Variants in MYT1L observed in about 807,000 individuals in gnomAD.
MYT1L encodes myelin transcription factor 1-like protein.
MYT1L carries 12 observed loss-of-function variants against 126.7 expected under a neutral mutation model. That is an observed-to-expected ratio of 0.09 (90% confidence interval 0.06 to 0.15). The LOEUF (loss-of-function observed/expected upper bound fraction) is 0.15. MYT1L is among the 10% of genes least tolerant of loss of function. The probability of loss-of-function intolerance (pLI) is 1.00; values close to 1 mark genes in which losing one functional copy is unlikely to be tolerated. For missense variants in MYT1L, 979 were observed against 1,585.2 expected (o/e 0.62, Z 6.49); for synonymous variants, 541 against 604.2 (o/e 0.90, Z 1.53).
intron 3 of MYT1L, among the ~76,000 whole-genome samples, chr2:2,123,525 G>A (rs564161745): frequency 5.9e-5 from 9 of 152,182 alleles, no homozygotes; most frequent in Non-Finnish European, 8.8e-5. Flanking sequence ...CTGAGTTCTC[G>A]CAAGACCTGG....
intron 3 of MYT1L, among the ~76,000 whole-genome samples, chr2:2,170,549 A>G (rs1022746688): frequency 6.6e-6 from 1 of 152,246 alleles, no homozygotes; most frequent in Non-Finnish European, 1.5e-5. Context: ...ATGTAACACG[A>G]TGATTTACAA....
intron 3 of MYT1L, among the ~76,000 whole-genome samples, chr2:2,142,483 A>T (rs940619580): frequency 6.6e-6 from 1 of 152,146 alleles, no homozygotes; most frequent in Non-Finnish European, 1.5e-5. Context: ...GGATCTCTGC[A>T]TAAGACCAAC....
At chr2:2,047,442 C>A (rs1353048156) in intron 4 of MYT1L, among the ~76,000 whole-genome samples, 1 of 152,148 alleles carries the variant, frequency 6.6e-6, no homozygotes, top group Non-Finnish European at 1.5e-5. Context: ...AAGTGTACCC[C>A]CAGTGGCCAT....
At chr2:2,197,722 G>A (rs1380488864) in intron 2 of MYT1L, among the ~76,000 whole-genome samples, 1 of 142,698 alleles carries the variant, frequency 7.0e-6, no homozygotes, top group African/African-American at 2.6e-5. Flanking sequence ...GTGTAGAGAT[G>A]TATATAACAC....
intron 4 of MYT1L, among the ~76,000 whole-genome samples, chr2:2,000,002 C>T (rs2062210261): frequency 6.6e-6 from 1 of 152,198 alleles, no homozygotes; most frequent in South Asian, 2.1e-4. Context: ...GACAATGCTC[C>T]TTAAAGAGCC....
At chr2:1,866,295 A>T (rs1243811101) in intron 18 of MYT1L, among the ~76,000 whole-genome samples, 2 of 152,152 alleles carry the variant, frequency 1.3e-5, no homozygotes, top group Admixed American at 1.3e-4. Context: ...ACAAAGGATC[A>T]AGGCTCCACA....
chr2:2,103,999 T>C (rs1012729103), intron 3 of MYT1L, among the ~76,000 whole-genome samples: 4 of 152,232 alleles, frequency 2.6e-5, no homozygotes, highest in African/African-American at 9.6e-5. Context: ...CCTTTCTCTA[T>C]CAGGGGCTCT....
intron 2 of MYT1L, among the ~76,000 whole-genome samples, chr2:2,227,891 CCTT>C (rs1249248697): frequency 6.6e-6 from 1 of 152,160 alleles, no homozygotes; most frequent in African/African-American, 2.4e-5. Context: ...ATTAACATGA[CCTT>C]CTAGCATTTG....
intron 3 of MYT1L, among the ~76,000 whole-genome samples, chr2:2,106,472 G>A (rs1031553677): frequency 6.6e-6 from 1 of 152,096 alleles, no homozygotes; most frequent in Non-Finnish European, 1.5e-5. Context: ...ACAAAAGTTA[G>A]CCAGGTGTGG....
intron 18 of MYT1L, among the ~76,000 whole-genome samples, chr2:1,881,677 G>A (rs2047568077): frequency 6.6e-6 from 1 of 152,138 alleles, no homozygotes; most frequent in Non-Finnish European, 1.5e-5. Context: ...CACCAGGGAT[G>A]TGGCACAGTG....
intron 23 of MYT1L, among the ~76,000 whole-genome samples, chr2:1,795,125 G>A (rs1018207759): frequency 1.3e-5 from 2 of 152,228 alleles, no homozygotes; most frequent in Admixed American, 6.5e-5. Flanking sequence ...TTCCTCCAGG[G>A]TGGCAAGAAG....
At chr2:1,897,385 C>G (rs2049736365) in intron 14 of MYT1L, among the ~76,000 whole-genome samples, 1 of 152,116 alleles carries the variant, frequency 6.6e-6, no homozygotes, top group Non-Finnish European at 1.5e-5. Flanking sequence ...ACAGAGGATG[C>G]TTGGTCTGAT....
chr2:2,313,064 A>C (rs2096001873), intron 1 of MYT1L, among the ~76,000 whole-genome samples: 1 of 152,222 alleles, frequency 6.6e-6, no homozygotes, highest in Non-Finnish European at 1.5e-5. Flanking sequence ...CTTAGAGCTG[A>C]AGAAATTACA....
rs1396833307 is a variant in MYT1L at position 1,892,290 on chromosome 2, G to A, written c.2033-3C>T. ...GGGGTCCTTGCAGTACCGCTTCGCT[G>A]GGGAGACAGGGACAGGGATGACTCA... On this transcript the variant is annotated splice_polypyrimidine_tract_variant and splice_region_variant and intron_variant, in intron 14 of 24. Transcript: ENST00000647738. The A allele has an allele frequency of 6.5e-7, 1 of 1,547,506 alleles. No individual in the cohort carries two copies. The highest frequency in any genetic ancestry group is 1.4e-5 in the African/African-American group (1 of 72,936).
At chr2:1,909,037 T>G (rs192779115) in intron 13 of MYT1L, among the ~76,000 whole-genome samples, 1 of 152,250 alleles carries the variant, frequency 6.6e-6, no homozygotes, top group African/African-American at 2.4e-5. Context: ...TGGGATGTTA[T>G]GAAATAATAC....
chr2:2,287,976 T>C (rs1015338098), intron 1 of MYT1L, among the ~76,000 whole-genome samples: 2 of 152,204 alleles, frequency 1.3e-5, no homozygotes, highest in Non-Finnish European at 2.9e-5. Flanking sequence ...GGTACACACA[T>C]CATTCTAGAA....
intron 1 of MYT1L, among the ~76,000 whole-genome samples, chr2:2,301,708 G>C (rs2095788698): frequency 6.6e-6 from 1 of 151,528 alleles, no homozygotes; most frequent in Admixed American, 6.6e-5. Context: ...GCACCTGCCT[G>C]TAGTCCCAGC....
chr2:2,250,220 T>C (rs999229420), intron 2 of MYT1L, among the ~76,000 whole-genome samples: 8 of 152,206 alleles, frequency 5.3e-5, no homozygotes, highest in Admixed American at 2.0e-4. Context: ...TGCACTCCCA[T>C]GTTTGCTGAA....
intron 18 of MYT1L, among the ~76,000 whole-genome samples, chr2:1,871,611 G>A (rs915055572): frequency 1.3e-5 from 2 of 152,162 alleles, no homozygotes; most frequent in African/African-American, 2.4e-5. Context: ...GGTCTGGATC[G>A]AGGGTCCCTG....
Sources: gnomAD v4.1 joint callset for allele counts (sites outside exome capture counted in the v4.1 genomes callset) on GRCh38, gnomAD v4.1.1 for gene constraint, MANE v1.5 for transcripts, NCBI Gene and HGNC (gene_info 2026-07-23, HGNC 2026-07-21) for gene names.